The following TCF7L1 variants were observed in gnomAD, a reference collection of about 807,000 sequenced individuals.
TCF7L1 encodes transcription factor 7 like 1, also known as transcription factor 7-like 1.
A neutral mutation model predicts 63.7 loss-of-function variants in TCF7L1; 18 were observed. The ratio of observed to expected loss-of-function variants is 0.28; its 90% CI spans 0.20 to 0.42. The LOEUF (loss-of-function observed/expected upper bound fraction) is 0.42, where lower values mean the gene tolerates loss of function less well. Among genes scored for constraint, TCF7L1 ranks in the 10% least tolerant of loss-of-function variants. The probability of loss-of-function intolerance (pLI) is 1.00; values close to 1 mark genes in which losing one functional copy is unlikely to be tolerated. For missense variants in TCF7L1, 654 were observed against 779.3 expected (o/e 0.84, Z 1.91); for synonymous variants, 355 against 340.9 (o/e 1.04, Z -0.46).
intron 3 of TCF7L1, among the ~76,000 whole-genome samples, chr2:85,208,584 G>A (rs1342784876): frequency 6.6e-6 from 1 of 152,150 alleles, no homozygotes; most frequent in Non-Finnish European, 1.5e-5. Context: ...ACCATTCCAT[G>A]TTTTCAGAGT....
At chr2:85,283,273 C>G (rs1018892356) in intron 3 of TCF7L1, among the ~76,000 whole-genome samples, 20 of 151,050 alleles carry the variant, frequency 1.3e-4, no homozygotes, top group Non-Finnish European at 2.2e-4. Context: ...TGTCCCCCCC[C>G]CCAAAATGAC....
intron 3 of TCF7L1, among the ~76,000 whole-genome samples, chr2:85,209,044 G>C (rs904850081): frequency 6.6e-6 from 1 of 152,214 alleles, no homozygotes; most frequent in East Asian, 1.9e-4. Flanking sequence ...ATTAAAACAG[G>C]GTGGTCTGGT....
At chr2:85,234,935 G>A (rs1680161713) in intron 3 of TCF7L1, among the ~76,000 whole-genome samples, 1 of 152,174 alleles carries the variant, frequency 6.6e-6, no homozygotes, top group African/African-American at 2.4e-5. Context: ...TCTGAAGGGT[G>A]TTCTCAAATC....
At chr2:85,175,116 A>T (rs1678647346) in intron 3 of TCF7L1, among the ~76,000 whole-genome samples, 1 of 152,180 alleles carries the variant, frequency 6.6e-6, no homozygotes, top group African/African-American at 2.4e-5. Flanking sequence ...CTCTCTGTGA[A>T]TGCTGGCTGG....
chr2:85,175,464 G>A (rs1311969712), intron 3 of TCF7L1, among the ~76,000 whole-genome samples: 6 of 152,176 alleles, frequency 3.9e-5, no homozygotes, highest in African/African-American at 9.7e-5. Flanking sequence ...GGGGAGCCAC[G>A]GGGGCAAGTG....
intron 3 of TCF7L1, among the ~76,000 whole-genome samples, chr2:85,188,770 G>A (rs1214425279): frequency 6.6e-6 from 1 of 152,092 alleles, no homozygotes; most frequent in Non-Finnish European, 1.5e-5. Flanking sequence ...TATCTCCCTG[G>A]TATCTTGGTC....
At position 85,257,774 on chromosome 2, in the gene TCF7L1, G is replaced by A. The variant is rs539998516; in HGVS notation, c.442-25721G>A. Among the ~76,000 whole-genome samples, 4 of 152,304 alleles carry A rather than the reference G, an allele frequency of 2.6e-5. No individual in the cohort carries two copies. The East Asian group carries it at 5.8e-4, about 22-fold the overall frequency. ...CTCTGTGGGACACACTGCTGCCCACGTGGGGACTGCCCCGGAATCAGGACC... is the reference window on the plus strand; with the variant it reads ...CTCTGTGGGACACACTGCTGCCCACATGGGGACTGCCCCGGAATCAGGACC... On this transcript the variant is annotated intron_variant, in intron 3 of 11. Coordinates refer to ENST00000282111, the MANE Select transcript of TCF7L1 (RefSeq NM_031283.3).
At chr2:85,305,235 C>T (rs747609620) in intron 7 of TCF7L1, 25 bp from the exon 8 acceptor site, 5 of 1,613,966 alleles carry the variant, frequency 3.1e-6, no homozygotes, top group Non-Finnish European at 4.2e-6. Flanking sequence ...CCCTCTGTTG[C>T]CATTTGTTTC....
chr2:85,226,666 A>T (rs1327832216), intron 3 of TCF7L1, among the ~76,000 whole-genome samples: 1 of 152,010 alleles, frequency 6.6e-6, no homozygotes, highest in Non-Finnish European at 1.5e-5. Flanking sequence ...GTCCCATAAT[A>T]ACCACTCACT....
chr2:85,298,299 T>C (rs1306523145), intron 4 of TCF7L1, among the ~76,000 whole-genome samples: 1 of 151,414 alleles, frequency 6.6e-6, no homozygotes, highest in Non-Finnish European at 1.5e-5. Context: ...GAGACCATCC[T>C]GGCCAACATG....
At chr2:85,176,832 C>G (rs1678687130) in intron 3 of TCF7L1, among the ~76,000 whole-genome samples, 1 of 151,824 alleles carries the variant, frequency 6.6e-6, no homozygotes, top group Non-Finnish European at 1.5e-5. Flanking sequence ...ACTAAAAATA[C>G]AAAAATTAGC....
intron 3 of TCF7L1, among the ~76,000 whole-genome samples, chr2:85,262,551 C>G (rs895912626): frequency 5.9e-5 from 9 of 152,124 alleles, no homozygotes; most frequent in African/African-American, 2.2e-4. Context: ...CGAGCATTTC[C>G]AAGCATTTCA....
chr2:85,295,464 G>A (rs538031161), intron 4 of TCF7L1, among the ~76,000 whole-genome samples: 1 of 151,938 alleles, frequency 6.6e-6, no homozygotes, highest in Non-Finnish European at 1.5e-5. Context: ...GCCTCCCAAA[G>A]TGCTGGGATT....
At chr2:85,297,682 C>T (rs781340683) in intron 4 of TCF7L1, among the ~76,000 whole-genome samples, 5 of 151,846 alleles carry the variant, frequency 3.3e-5, no homozygotes, top group South Asian at 2.1e-4. Flanking sequence ...AAAGTTAGCC[C>T]GGCATGGTGG....
intron 3 of TCF7L1, among the ~76,000 whole-genome samples, chr2:85,229,326 A>G (rs1680023346): frequency 1.3e-5 from 2 of 152,314 alleles, no homozygotes; most frequent in South Asian, 2.1e-4. Context: ...CAGCTGGGAG[A>G]CAGAGCGAGA....
At chr2:85,264,049 T>A (rs937932285) in intron 3 of TCF7L1, among the ~76,000 whole-genome samples, 2 of 151,862 alleles carry the variant, frequency 1.3e-5, no homozygotes, top group Non-Finnish European at 2.9e-5. Context: ...GCATTGACAG[T>A]GGGGGTTTGA....
At chr2:85,246,411 C>T in intron 3 of TCF7L1, among the ~76,000 whole-genome samples, 1 of 152,228 alleles carries the variant, frequency 6.6e-6, no homozygotes, top group Non-Finnish European at 1.5e-5. Flanking sequence ...AGGGAGCTCA[C>T]CTCCCACACA....
intron 3 of TCF7L1, among the ~76,000 whole-genome samples, chr2:85,221,029 C>T (rs1299604452): frequency 6.6e-6 from 1 of 152,012 alleles, no homozygotes; most frequent in Non-Finnish European, 1.5e-5. Context: ...CATTAGAGAC[C>T]CAAGTCTATT....
intron 4 of TCF7L1, 75 bp from the exon 5 acceptor site, chr2:85,302,409 T>G: frequency 6.2e-7 from 1 of 1,604,794 alleles, no homozygotes; most frequent in Non-Finnish European, 8.5e-7. Flanking sequence ...GGCACTTACT[T>G]GATTCCATAA....
Sources: allele counts gnomAD v4.1 joint callset (sites outside exome capture counted in the v4.1 genomes callset), GRCh38; gene constraint gnomAD v4.1.1; transcripts MANE v1.5; gene names NCBI Gene and HGNC (gene_info 2026-07-23, HGNC 2026-07-21).